The following TOX variants were observed in gnomAD, a reference collection of about 807,000 sequenced individuals.
TOX encodes thymocyte selection associated high mobility group box.
Under a neutral mutation model 53.7 loss-of-function variants are expected in TOX, and 11 were observed. The observed-to-expected ratio is 0.20, with a 90% CI of 0.13 to 0.34. TOX has a LOEUF of 0.34. TOX is among the 10% of genes least tolerant of loss of function. TOX has a pLI of 1.00. For synonymous variants in TOX, 225 were observed against 245.3 expected, an observed-to-expected ratio of 0.92 and a Z score of 0.77; for missense variants, 570 against 664.6, an observed-to-expected ratio of 0.86 and a Z score of 1.56.
chr8:58,854,169 A>T (rs1398871902), intron 3 of TOX, among the ~76,000 whole-genome samples: 1 of 152,198 alleles, frequency 6.6e-6, no homozygotes, highest in Non-Finnish European at 1.5e-5. Flanking sequence ...TACTTCAACT[A>T]AATGATCTTT....
At chr8:58,879,574 A>G (rs1002549493) in intron 3 of TOX, among the ~76,000 whole-genome samples, 3 of 152,218 alleles carry the variant, frequency 2.0e-5, no homozygotes, top group Admixed American at 6.5e-5. Flanking sequence ...ATGAAAAAAA[A>G]TATGCCAAGA....
At chr8:58,940,565 G>A (rs1563395762) in intron 2 of TOX, among the ~76,000 whole-genome samples, 1 of 152,114 alleles carries the variant, frequency 6.6e-6, no homozygotes, top group Non-Finnish European at 1.5e-5. Context: ...GAAAGGAAAC[G>A]TTTCGGTCCA....
chr8:58,816,849 C>T (rs776346227), intron 6 of TOX, among the ~76,000 whole-genome samples: 4 of 152,114 alleles, frequency 2.6e-5, no homozygotes, highest in East Asian at 1.9e-4. Context: ...CTTAGAGAAA[C>T]GGGTTCATCA....
intron 3 of TOX, among the ~76,000 whole-genome samples, chr8:58,886,584 T>C (rs1184695158): frequency 6.6e-6 from 1 of 152,122 alleles, no homozygotes; most frequent in East Asian, 1.9e-4. Flanking sequence ...AAAATAATTA[T>C]TTTGATGCTT....
At chr8:58,990,519 G>T (rs1813422067) in intron 1 of TOX, among the ~76,000 whole-genome samples, 1 of 151,932 alleles carries the variant, frequency 6.6e-6, no homozygotes, top group South Asian at 2.1e-4. Flanking sequence ...AGGAGAGAAA[G>T]CACTCCTCTG....
At chr8:58,959,913 A>G in intron 2 of TOX, 30 bp downstream of exon 2, 1 of 1,613,136 alleles carries the variant, frequency 6.2e-7, no homozygotes, top group South Asian at 1.1e-5. Flanking sequence ...TTACAATTTG[A>G]AACAAGGCAG....
chr8:59,013,560 G>C (rs1438511504), intron 1 of TOX, among the ~76,000 whole-genome samples: 1 of 152,062 alleles, frequency 6.6e-6, no homozygotes. Flanking sequence ...ACAGCCACGA[G>C]CCACCATGCC....
At chr8:58,881,749 T>C (rs994653624) in intron 3 of TOX, among the ~76,000 whole-genome samples, 1 of 144,160 alleles carries the variant, frequency 6.9e-6, no homozygotes. Context: ...AAAAAAGGCT[T>C]AGAGGCTAAG....
rs540279253 is a variant in TOX at position 58,983,660 on chromosome 8, A to G, written c.103-23652T>C. ...GCCATCCACCTTAGAATGTCAAATCAATTTTGGTGACATTTTTCTCAGTGC... is the reference window on the plus strand; with the variant it reads ...GCCATCCACCTTAGAATGTCAAATCGATTTTGGTGACATTTTTCTCAGTGC... On this transcript the variant is annotated intron_variant, in intron 1 of 8. Coordinates refer to ENST00000361421, the MANE Select transcript of TOX (RefSeq NM_014729.3). Among the ~76,000 whole-genome samples, 3 of 152,320 alleles carry G rather than the reference A, an allele frequency of 2.0e-5. No homozygotes were observed. In the South Asian group the frequency reaches 6.2e-4, roughly 32 times the overall value.
intron 1 of TOX, among the ~76,000 whole-genome samples, chr8:58,997,940 C>T (rs1813591350): frequency 6.6e-6 from 1 of 151,952 alleles, no homozygotes; most frequent in Admixed American, 6.6e-5. Flanking sequence ...CTACAGGTGC[C>T]CGCCACCATG....
intron 3 of TOX, among the ~76,000 whole-genome samples, chr8:58,863,372 A>C (rs1165064812): frequency 6.6e-6 from 1 of 152,170 alleles, no homozygotes; most frequent in Non-Finnish European, 1.5e-5. Flanking sequence ...GGTCCCACCT[A>C]ATATACTAAG....
intron 3 of TOX, among the ~76,000 whole-genome samples, chr8:58,887,742 T>C (rs1811494843): frequency 6.6e-6 from 1 of 152,074 alleles, no homozygotes; most frequent in South Asian, 2.1e-4. Flanking sequence ...TCTTCTGCCT[T>C]TCTTAAGTTT....
At chr8:58,915,041 A>G (rs1447513321) in intron 3 of TOX, among the ~76,000 whole-genome samples, 2 of 149,078 alleles carry the variant, frequency 1.3e-5, no homozygotes, top group African/African-American at 2.5e-5. Flanking sequence ...CACCTGGCTC[A>G]GAGGGTCCTA....
At chr8:59,078,398 C>A (rs1804332163) in intron 1 of TOX, among the ~76,000 whole-genome samples, 1 of 152,178 alleles carries the variant, frequency 6.6e-6, no homozygotes, top group Non-Finnish European at 1.5e-5. Flanking sequence ...TGGCTTGGTG[C>A]TGTCTTTGTG....
rs748839252 is a variant in TOX, at chr8:59,117,154, G to A, written c.102+1732C>T. Among the ~76,000 whole-genome samples the A allele has an allele frequency of 1.3e-5, 2 of 152,166 alleles. No individual in the cohort carries two copies. The highest frequency in any genetic ancestry group is 2.9e-5 in the Non-Finnish European group (2 of 68,030). ...TGAGCTTTTGGTTCCGGTAACTACA[G>A]TGGAATAAGTCTTTACTCTCCAAGA... On this transcript the variant is annotated intron_variant, in intron 1 of 8. Coordinates refer to ENST00000361421, the MANE Select transcript of TOX (RefSeq NM_014729.3). The surrounding 1 kb of genome is among the most constrained non-coding windows in gnomAD (Gnocchi z 4.6).
chr8:58,827,994 G>A (rs1341343011), intron 5 of TOX, among the ~76,000 whole-genome samples: 3 of 152,140 alleles, frequency 2.0e-5, no homozygotes, highest in Admixed American at 1.3e-4. Context: ...AGGGCATAAG[G>A]CTTGGCTAAT....
At chr8:58,827,433 T>C (rs73243042) in intron 5 of TOX, among the ~76,000 whole-genome samples, 3,047 of 152,274 alleles carry the variant, frequency 0.02, 98 homozygotes, top group African/African-American at 0.069. Context: ...TGAAGTTCTA[T>C]TTTCAAAGAC....
At chr8:58,871,896 C>G (rs1811204635) in intron 3 of TOX, among the ~76,000 whole-genome samples, 1 of 152,038 alleles carries the variant, frequency 6.6e-6, no homozygotes, top group East Asian at 1.9e-4. Flanking sequence ...ATATATCTCC[C>G]TAATCTGCCA....
At chr8:58,951,231 A>T (rs1238355283) in intron 2 of TOX, among the ~76,000 whole-genome samples, 1 of 152,158 alleles carries the variant, frequency 6.6e-6, no homozygotes, top group African/African-American at 2.4e-5. Context: ...AAGTCACTCT[A>T]CCTCTCTAAT....
Sources: allele counts gnomAD v4.1 joint callset (sites outside exome capture counted in the v4.1 genomes callset), GRCh38; gene constraint gnomAD v4.1.1; non-coding constraint Gnocchi (gnomAD v3.1); transcripts MANE v1.5; gene names NCBI Gene and HGNC (gene_info 2026-07-23, HGNC 2026-07-21).